RPGRIP1: variants seen among roughly 807,000 people sequenced by gnomAD.
The protein encoded by RPGRIP1 is X-linked retinitis pigmentosa GTPase regulator-interacting protein 1.
A neutral mutation model predicts 157.9 loss-of-function variants in RPGRIP1; 128 were observed. The ratio of observed to expected loss-of-function variants is 0.81; its 90% CI spans 0.70 to 0.94. The LOEUF (loss-of-function observed/expected upper bound fraction) is 0.94. Among genes scored for constraint, RPGRIP1 ranks in the 40% least tolerant of loss-of-function variants. The pLI, the probability that RPGRIP1 is intolerant of heterozygous loss-of-function variation, is 0.00. For missense variants in RPGRIP1, 1,486 were observed against 1,545.8 expected, an observed-to-expected ratio of 0.96 and a Z score of 0.65; for synonymous variants, 554 against 571.6, an observed-to-expected ratio of 0.97 and a Z score of 0.44.
chr14:21,305,101 C>T (rs1451377165), intron 6 of RPGRIP1, among the ~76,000 whole-genome samples: 2 of 152,032 alleles, frequency 1.3e-5, no homozygotes, highest in Non-Finnish European at 2.9e-5. Flanking sequence ...TGCGCCTGGC[C>T]GGTGTTGTAC....
Position 21,327,763 on chromosome 14 carries a change from T to G in RPGRIP1, c.2851T>G (p.Ser951Ala), listed in dbSNP as rs1883265134. 8.7e-6 allele frequency: 14 copies of G among 1,611,958 alleles called. No homozygotes were observed. The highest frequency in any genetic ancestry group is 1.2e-5 in the Non-Finnish European group (14 of 1,179,016). ...QTKGKDTKDS[S>A]KISSEEEKAS... ...TAAGGGGAAGGATACCAAGGACAGT[T>G]CAAAGATCTCATCTGAAGAGGAAAA... is the stretch of plus-strand genomic sequence containing the variant. Residue 951 changes from serine (S) to alanine (A), a missense_variant, in exon 18 of 25, where the codon TCA becomes GCA. By Grantham distance (99) the Ser-to-Ala change is moderately conservative. Transcript: ENST00000400017.
intron 1 of RPGRIP1, among the ~76,000 whole-genome samples, chr14:21,281,022 CTTT>C: frequency 7.2e-6 from 1 of 139,312 alleles, no homozygotes; most frequent in Non-Finnish European, 1.6e-5. Context: ...TTGGGCTTTT[CTTT>C]TTTTTTTTTT....
chr14:21,287,260 C>A (rs1880333947), intron 1 of RPGRIP1, among the ~76,000 whole-genome samples: 1 of 151,958 alleles, frequency 6.6e-6, no homozygotes. Flanking sequence ...TAGCCGGGTG[C>A]AGTAGTGGGT....
chr14:21,303,295 G>A (rs777796450), intron 5 of RPGRIP1, 36 bp from the exon 6 acceptor site: 2 of 1,506,504 alleles, frequency 1.3e-6, no homozygotes, highest in Non-Finnish European at 1.8e-6. Flanking sequence ...CTAAACTCCT[G>A]TAACAACAGT....
chr14:21,324,868 G>C lies in RPGRIP1; in HGVS notation c.2013G>C (p.Gly671=). ...FETHCTPLSV[G]PQPLYDFTSQ... The stretch of plus-strand genomic sequence containing the variant: ...CCCACTGTACCCCATTATCTGTGGG[G>C]CCACAGCCCCTCTATGACTTCACCT... The change falls in exon 15 of 25, where the codon GGG becomes GGC. Residue 671 remains glycine, a synonymous_variant. Coordinates refer to ENST00000400017, the MANE Select transcript of RPGRIP1 (RefSeq NM_020366.4). The C allele has an allele frequency of 6.2e-7, 1 of 1,613,962 alleles. No homozygotes were observed. The highest frequency in any genetic ancestry group is 8.5e-7 in the Non-Finnish European group (1 of 1,179,884).
chr14:21,317,879 A>T (rs370668938), intron 11 of RPGRIP1, 29 bp downstream of exon 11: 31 of 1,573,080 alleles, frequency 2.0e-5, no homozygotes, highest in South Asian at 1.4e-4. Flanking sequence ...AGCTCTCTCA[A>T]ATGTGGCATC....
chr14:21,335,603 G>T (rs1884270763), intron 21 of RPGRIP1, among the ~76,000 whole-genome samples: 1 of 152,156 alleles, frequency 6.6e-6, no homozygotes, highest in East Asian at 1.9e-4. Flanking sequence ...GGCCGAGACG[G>T]GTGGATCACG....
intron 1 of RPGRIP1, among the ~76,000 whole-genome samples, chr14:21,281,218 A>C (rs1476319894): frequency 2.6e-5 from 4 of 151,914 alleles, no homozygotes; most frequent in Non-Finnish European, 5.9e-5. Flanking sequence ...GGGTTTTACC[A>C]TGTTGGCCAC....
chr14:21,289,796 T>G (rs1880448574), intron 2 of RPGRIP1, among the ~76,000 whole-genome samples: 1 of 151,762 alleles, frequency 6.6e-6, no homozygotes, highest in South Asian at 2.1e-4. Flanking sequence ...TGGTCGGGAG[T>G]TAAAAATTTG....
chr14:21,343,144 G>T lies in RPGRIP1; in HGVS notation c.3448G>T (p.Asp1150Tyr), dbSNP rs144704092. Residue 1150 changes from aspartate to tyrosine, a missense_variant, in exon 22 of 25, where the codon GAC (aspartate) becomes TAC (tyrosine). By Grantham distance (160) the Asp-to-Tyr change is radical (BLOSUM62 -3). Transcript: ENST00000400017. ...GGTGTATGTGGAGTACAAATTCTAC[G>T]ACCTACCCTTGTCGGAGACAGAGAC... ...KQVYVEYKFY[D>Y]LPLSETETPV... 8.7e-5 allele frequency: 141 copies of T among 1,613,702 alleles called. No individual in the cohort carries two copies. The African/African-American group carries it at 1.8e-3, about 21-fold the overall frequency.
chr14:21,322,838 G>A (rs1470860852), intron 14 of RPGRIP1, among the ~76,000 whole-genome samples: 4 of 152,180 alleles, frequency 2.6e-5, no homozygotes, highest in African/African-American at 9.6e-5. Flanking sequence ...GACACTGAAT[G>A]CAAGTTTCAT....
intron 18 of RPGRIP1, 101 bp downstream of exon 18, chr14:21,327,908 C>T: frequency 1.1e-6 from 1 of 913,034 alleles, no homozygotes; most frequent in Non-Finnish European, 1.6e-6. Context: ...GTGGCTCACG[C>T]CTGTAATCCC....
intron 3 of RPGRIP1, among the ~76,000 whole-genome samples, chr14:21,300,705 C>CTTTTT (rs918137131): frequency 1.1e-4 from 8 of 73,502 alleles, no homozygotes; most frequent in African/African-American, 3.3e-4. Flanking sequence ...AGTGGCTCAA[C>CTTTTT]TTTTTTTTTT....
chr14:21,342,498 C>A, intron 21 of RPGRIP1, among the ~76,000 whole-genome samples: 1 of 150,468 alleles, frequency 6.6e-6, no homozygotes, highest in African/African-American at 2.5e-5. Flanking sequence ...GAACCATGAT[C>A]ACACAACTGC....
intron 17 of RPGRIP1, among the ~76,000 whole-genome samples, chr14:21,326,399 C>G (rs1189184694): frequency 1.3e-5 from 2 of 152,184 alleles, no homozygotes; most frequent in African/African-American, 4.8e-5. Context: ...GACAACATTC[C>G]TAAGTGGGTA....
In RPGRIP1 at chr14:21,330,223, G is replaced by T. The variant is rs778866306; in HGVS notation, c.3100-26G>T. 5 of 1,510,878 alleles carry T rather than the reference G, an allele frequency of 3.3e-6. No homozygotes were observed. The African/African-American group carries it at 7.3e-5, about 22-fold the overall frequency. The allele number at this position is 1,510,878 out of a possible 1,614,324, so 93.6% of individuals were successfully genotyped here. A position where few individuals can be genotyped will look rare whatever the true frequency, so the allele number is the denominator to read the frequency against. On this transcript the variant is annotated intron_variant, in intron 19 of 24. Transcript: ENST00000400017. ...AGAAAACCAAGATATTACCAGCTAT[G>T]TAGTATTGTTGTTCTTATTCTGAAG...
At chr14:21,315,212 A>G (rs1881722906) in intron 10 of RPGRIP1, among the ~76,000 whole-genome samples, 1 of 151,984 alleles carries the variant, frequency 6.6e-6, no homozygotes, top group Admixed American at 6.6e-5. Flanking sequence ...AGTTTTTAAA[A>G]CTTAAAAGTG....
chr14:21,299,731 G>A (rs1379802489), intron 3 of RPGRIP1, among the ~76,000 whole-genome samples: 4 of 152,174 alleles, frequency 2.6e-5, no homozygotes, highest in East Asian at 1.9e-4. Flanking sequence ...CAGAACAGAC[G>A]GGCAGTGTGT....
At chr14:21,323,050 C>G (rs889604826) in intron 14 of RPGRIP1, among the ~76,000 whole-genome samples, 6 of 152,182 alleles carry the variant, frequency 3.9e-5, no homozygotes, top group African/African-American at 1.4e-4. Flanking sequence ...CCATGAGGAA[C>G]TTGGAACCAC....
Sources: gnomAD v4.1 joint callset for allele counts (sites outside exome capture counted in the v4.1 genomes callset) on GRCh38, gnomAD v4.1.1 for gene constraint, MANE v1.5 for transcripts, NCBI Gene and HGNC (gene_info 2026-07-23, HGNC 2026-07-21) for gene names.